Variants in ITGB3BP observed in about 807,000 individuals in gnomAD.
ITGB3BP encodes the protein centromere protein R.
Under a neutral mutation model 29.1 loss-of-function variants are expected in ITGB3BP, and 27 were observed. The observed-to-expected ratio is 0.93, with a 90% confidence interval of 0.68 to 1.28. The LOEUF (loss-of-function observed/expected upper bound fraction) is 1.28, where lower values mean the gene tolerates loss of function less well. Ranked by LOEUF, ITGB3BP falls within the 50% of genes most tolerant of loss-of-function variation. ITGB3BP has a pLI of 0.00. For missense variants in ITGB3BP, 192 were observed against 200.2 expected (o/e 0.96, Z 0.25); for synonymous variants, 61 against 61.4 (o/e 0.99, Z 0.03).
At chr1:63,496,094 A>G (rs1645780783) in intron 2 of ITGB3BP, among the ~76,000 whole-genome samples, 1 of 140,618 alleles carries the variant, frequency 7.1e-6, no homozygotes, top group African/African-American at 2.6e-5. Context: ...GGCCACTACA[A>G]TTTTTTTTTT....
chr1:63,441,457 T>G (rs3009574), intron 8 of ITGB3BP, among the ~76,000 whole-genome samples: 2 of 151,898 alleles, frequency 1.3e-5, no homozygotes, highest in African/African-American at 4.8e-5. Context: ...AGGCTGGTCT[T>G]GAACTCCTGA....
chr1:63,510,171 C>T lies in ITGB3BP; in HGVS notation c.6-1601G>A, dbSNP rs367713499. 9.0e-4 allele frequency: 471 copies of T among 520,574 alleles called. 1 individual carries two copies. The highest frequency in any genetic ancestry group is 8.2e-3 in the African/African-American group (418 of 50,912). 32.2% of individuals were successfully genotyped at this position (520,574 alleles called of 1,614,324 possible). A position where few individuals can be genotyped will look rare whatever the true frequency, so the allele number is the denominator to read the frequency against. On this transcript the variant is annotated intron_variant, in intron 1 of 8. Coordinates refer to ENST00000271002, the MANE Select transcript of ITGB3BP (RefSeq NM_014288.5). ...TGCCATTGCACTCTAGCCTGGGCAACGGGAGCAAAACTGTCTCAAAAAAAA... is the reference window on the plus strand; with the variant it reads ...TGCCATTGCACTCTAGCCTGGGCAATGGGAGCAAAACTGTCTCAAAAAAAA...
At position 63,449,441 on chromosome 1, in the gene ITGB3BP, G is replaced by T. The variant is rs141275786; in HGVS notation, c.485-2585C>A. 3 of 152,140 alleles carry T rather than the reference G, an allele frequency of 2.0e-5. No individual in the cohort carries two copies. The East Asian group carries it at 5.8e-4, about 29-fold the overall frequency. 9.4% of individuals were successfully genotyped at this position (152,140 alleles called of 1,614,324 possible). Reference sequence around the variant, plus strand: ...AGTATAAAAAATTTAAATCATGAAAGAAATTATTTAAAAGGCTTTGAAAAG... The same window carrying T: ...AGTATAAAAAATTTAAATCATGAAATAAATTATTTAAAAGGCTTTGAAAAG... On this transcript the variant is annotated intron_variant, in intron 7 of 8. Coordinates refer to ENST00000271002, the MANE Select transcript of ITGB3BP (RefSeq NM_014288.5).
intron 1 of ITGB3BP, among the ~76,000 whole-genome samples, chr1:63,510,443 T>C (rs1386295565): frequency 6.6e-6 from 1 of 152,078 alleles, no homozygotes. Context: ...AGGAAATACG[T>C]AAAAAATAGT....
At position 63,454,037 on chromosome 1, in the gene ITGB3BP, T is replaced by C; in HGVS notation, c.428-63A>G. ...AGAATATGGATAATTTCTCAATACTTGCAACAAACAACTTCATGAGAAAAA... is the reference window on the plus strand; with the variant it reads ...AGAATATGGATAATTTCTCAATACTCGCAACAAACAACTTCATGAGAAAAA... On this transcript the variant is annotated intron_variant, in intron 6 of 8. Coordinates refer to ENST00000271002, the MANE Select transcript of ITGB3BP (RefSeq NM_014288.5). The surrounding 1 kb of genome is among the most constrained non-coding windows in gnomAD (Gnocchi z 4.1). The C allele has an allele frequency of 1.1e-6, 1 of 883,742 alleles. No individual in the cohort carries two copies. Among genetic ancestry groups the C allele is most frequent in the Non-Finnish European group, 1.8e-6 (1 of 551,346 alleles). The allele number at this position is 883,742 out of a possible 1,614,324, so 54.7% of individuals were successfully genotyped here. A position where few individuals can be genotyped will look rare whatever the true frequency, so the allele number is the denominator to read the frequency against.
intron 8 of ITGB3BP, among the ~76,000 whole-genome samples, chr1:63,445,114 A>G (rs912393709): frequency 2.6e-5 from 4 of 151,880 alleles, no homozygotes; most frequent in Non-Finnish European, 5.9e-5. Flanking sequence ...GTGAAACCCC[A>G]TGTCTAATAA....
chr1:63,506,780 C>T (rs61406064), intron 2 of ITGB3BP, among the ~76,000 whole-genome samples: 90 of 152,168 alleles, frequency 5.9e-4, no homozygotes, highest in Non-Finnish European at 1.1e-3. Context: ...CCAGAGCCTT[C>T]CCCCTTCAGC....
upstream of ITGB3BP, among the ~76,000 whole-genome samples, chr1:63,526,082 C>CAA (rs1646584242): frequency 6.6e-6 from 1 of 152,114 alleles, no homozygotes; most frequent in Non-Finnish European, 1.5e-5. Context: ...CCTCTTAAGT[C>CAA]ACTAGCCTGA....
chr1:63,502,999 C>T (rs1645977682), intron 2 of ITGB3BP, among the ~76,000 whole-genome samples: 1 of 152,112 alleles, frequency 6.6e-6, no homozygotes, highest in South Asian at 2.1e-4. Context: ...TTTATAGCAG[C>T]ATGATTTATA....
chr1:63,474,080 C>T (rs1331519804), intron 4 of ITGB3BP, among the ~76,000 whole-genome samples: 1 of 21,042 alleles, frequency 4.8e-5, no homozygotes, highest in African/African-American at 1.1e-4. Context: ...CGCCTCTGCC[C>T]GGCCGCCCCT....
At chr1:63,443,315 G>A (rs1233670292) in intron 8 of ITGB3BP, 1 of 152,238 alleles carries the variant, frequency 6.6e-6, no homozygotes, top group African/African-American at 2.4e-5. Context: ...GGGATTTGGG[G>A]AAGCTTATGC....
chr1:63,508,574 C>T lies in ITGB3BP; in HGVS notation c.6-4G>A, dbSNP rs1490071189. The stretch of plus-strand genomic sequence containing the variant: ...CAACTTCAGTGATCTTTTAACACTA[C>T]AAACAAAAAATTTAAAGAAATTTTA... On this transcript the variant is annotated splice_polypyrimidine_tract_variant and splice_region_variant and intron_variant, in intron 1 of 8. Transcript: ENST00000271002. 1.5e-6 allele frequency: 2 copies of T among 1,334,372 alleles called. No individual in the cohort carries two copies. The highest frequency in any genetic ancestry group is 2.0e-6 in the Non-Finnish European group (2 of 976,060). The allele number at this position is 1,334,372 out of a possible 1,614,324, so 82.7% of individuals were successfully genotyped here.
chr1:63,445,038 A>G (rs1185308649), intron 8 of ITGB3BP, among the ~76,000 whole-genome samples: 1 of 152,138 alleles, frequency 6.6e-6, no homozygotes, highest in Non-Finnish European at 1.5e-5. Flanking sequence ...TAATTGCAGC[A>G]CTTTGGGAGG....
intron 2 of ITGB3BP, among the ~76,000 whole-genome samples, chr1:63,497,654 G>C (rs912585576): frequency 1.3e-5 from 2 of 152,200 alleles, no homozygotes; most frequent in African/African-American, 4.8e-5. Flanking sequence ...CACAAGACAA[G>C]AGAAGGACAA....
intron 2 of ITGB3BP, among the ~76,000 whole-genome samples, chr1:63,495,347 T>C (rs1645761090): frequency 6.6e-6 from 1 of 152,160 alleles, no homozygotes; most frequent in African/African-American, 2.4e-5. Context: ...AAAACAGTAT[T>C]AGAAATAAGA....
intron 2 of ITGB3BP, among the ~76,000 whole-genome samples, chr1:63,498,527 CAT>C (rs949701142): frequency 3.3e-5 from 5 of 151,704 alleles, no homozygotes; most frequent in Non-Finnish European, 4.4e-5. Flanking sequence ...CGCAACAAAA[CAT>C]AGAAAAACTT....
chr1:63,463,368 A>T (rs769339210), intron 4 of ITGB3BP, among the ~76,000 whole-genome samples: 3 of 152,182 alleles, frequency 2.0e-5, no homozygotes, highest in Non-Finnish European at 4.4e-5. Context: ...AAAATTGCAC[A>T]GAACTAAATA....
intron 1 of ITGB3BP, chr1:63,510,013 A>G: frequency 2.0e-6 from 1 of 497,398 alleles, no homozygotes; most frequent in South Asian, 3.0e-5. Context: ...ACATGGTGAA[A>G]CCCTGTCTGT....
At chr1:63,464,183 A>T (rs1051011463) in intron 4 of ITGB3BP, among the ~76,000 whole-genome samples, 1 of 152,192 alleles carries the variant, frequency 6.6e-6, no homozygotes, top group Non-Finnish European at 1.5e-5. Context: ...AAAAAGTAAA[A>T]TTCACGAACA....
Sources: gnomAD v4.1 joint callset for allele counts (sites outside exome capture counted in the v4.1 genomes callset) on GRCh38, gnomAD v4.1.1 for gene constraint, Gnocchi (gnomAD v3.1) non-coding constraint, MANE v1.5 for transcripts, NCBI Gene and HGNC (gene_info 2026-07-23, HGNC 2026-07-21) for gene names.